KLF2: variants seen among roughly 807,000 people sequenced by gnomAD.
KLF2 encodes Krueppel-like factor 2.
In KLF2, 9 loss-of-function variants were observed where a neutral mutation model predicts 22.2. The ratio of observed to expected loss-of-function variants is 0.40; its 90% CI spans 0.24 to 0.71. The LOEUF is 0.71. Ranked by LOEUF, KLF2 falls within the 30% of genes least tolerant of loss-of-function variation. The pLI is 0.35. For missense variants in KLF2, 481 were observed against 542.1 expected, an observed-to-expected ratio of 0.89 and a Z score of 1.12; for synonymous variants, 299 against 264.2, an observed-to-expected ratio of 1.13 and a Z score of -1.28.
Position 16,325,414 on chromosome 19 carries a change from G to C in KLF2, c.274G>C (p.Val92Leu). 1 of 1,427,472 alleles carries C rather than the reference G, an allele frequency of 7.0e-7. No homozygotes were observed. The highest frequency in any genetic ancestry group is 9.1e-7 in the Non-Finnish European group (1 of 1,101,618). 88.4% of individuals were successfully genotyped at this position (1,427,472 alleles called of 1,614,324 possible). The change falls in exon 2 of 3, where the codon GTG (valine) becomes CTG (leucine). Residue 92 changes from valine to leucine, a missense_variant. This residue lies in a region of KLF2 where 421 missense variants were observed against 435.1 expected (regional missense o/e 0.97). Transcript: ENST00000248071. ...PPYSAPAGGL[V>L]SELLRPELDA... Reference sequence around the variant, plus strand: ...CTACAGCGCCCCCGCGGGTGGCCTGGTGTCTGAGCTGCTGCGACCCGAGCT... The same window carrying C: ...CTACAGCGCCCCCGCGGGTGGCCTGCTGTCTGAGCTGCTGCGACCCGAGCT...
intron 2 of KLF2, among the ~76,000 whole-genome samples, chr19:16,326,348 T>A (rs1317350829): frequency 6.6e-6 from 1 of 151,066 alleles, no homozygotes; most frequent in Non-Finnish European, 1.5e-5. Context: ...AGGGAGACAG[T>A]CTCAGAAAGT....
In KLF2 at chr19:16,325,905, C is replaced by T. The variant is rs1358504749; in HGVS notation, c.765C>T (p.Ala255=). ...CGTCCCCGCTGGAGCTGCTGGAGGC[C>T]AAGCCAAAGCGCGGCCGCCGCTCTT... ...PPASPLELLE[A]KPKRGRRSWP... The change falls in exon 2 of 3, where the codon GCC becomes GCT. Residue 255 remains alanine, a synonymous_variant. Coordinates refer to ENST00000248071, the MANE Select transcript of KLF2 (RefSeq NM_016270.4). 4.6e-6 allele frequency: 7 copies of T among 1,513,104 alleles called. No homozygotes were observed. The East Asian group carries it at 1.3e-4, about 29-fold the overall frequency. 93.7% of individuals were successfully genotyped at this position (1,513,104 alleles called of 1,614,324 possible).
Position 16,325,935 on chromosome 19 carries a change from C to T in KLF2, c.795C>T (p.Pro265=), listed in dbSNP as rs1400646386. The T allele has an allele frequency of 6.5e-7, 1 of 1,530,350 alleles. No individual in the cohort carries two copies. The highest frequency in any genetic ancestry group is 1.2e-5 in the South Asian group (1 of 83,392). The allele number at this position is 1,530,350 out of a possible 1,614,324, so 94.8% of individuals were successfully genotyped here. ...AKPKRGRRSW[P]RKRTATHTCS... is the part of the protein sequence containing the mutation. ...CAAAGCGCGGCCGCCGCTCTTGGCC[C>T]CGCAAACGCACCGCCACTCACACCT... Residue 265 remains proline, a synonymous_variant, in exon 2 of 3, where the codon CCC becomes CCT. Coordinates refer to ENST00000248071, the MANE Select transcript of KLF2 (RefSeq NM_016270.4).
Position 16,327,085 on chromosome 19 carries a change from C to G in KLF2, c.*54C>G, listed in dbSNP as rs938935734. On this transcript the variant is annotated 3_prime_UTR_variant, in exon 3 of 3. Coordinates refer to ENST00000248071, the MANE Select transcript of KLF2 (RefSeq NM_016270.4). Reference sequence around the variant, plus strand: ...GCCGTGGCGGGTCCCACGCGCCGGGCGCGGCCCCCTCCCAAACTGTGACTG... The same window carrying G: ...GCCGTGGCGGGTCCCACGCGCCGGGGGCGGCCCCCTCCCAAACTGTGACTG... 6.9e-7 allele frequency: 1 copy of G among 1,456,146 alleles called. No homozygotes were observed. Among genetic ancestry groups the G allele is most frequent in the Admixed American group, 2.5e-5 (1 of 40,144 alleles). The allele number at this position is 1,456,146 out of a possible 1,614,324, so 90.2% of individuals were successfully genotyped here.
chr19:16,326,676 G>T (rs1429686726), intron 2 of KLF2, among the ~76,000 whole-genome samples, 180 bp from the exon 3 acceptor site: 1 of 152,056 alleles, frequency 6.6e-6, no homozygotes, highest in Non-Finnish European at 1.5e-5. Flanking sequence ...ACCCCCTGGG[G>T]GTGAGGATCC....
Position 16,326,866 on chromosome 19 carries a change from C to T in KLF2, c.903C>T (p.Pro301=), listed in dbSNP as rs368419745. ...AHLRTHTGEK[P]YHCNWDGCGW... ...GCCCCCTCCCTGCAGGTGAGAAGCCCTACCACTGCAACTGGGACGGCTGCG... is the reference window on the plus strand; with the variant it reads ...GCCCCCTCCCTGCAGGTGAGAAGCCTTACCACTGCAACTGGGACGGCTGCG... The change falls in exon 3 of 3, where the codon CCC becomes CCT. Residue 301 remains proline, a synonymous_variant. Transcript: ENST00000248071. 43 of 1,611,294 alleles carry T rather than the reference C, an allele frequency of 2.7e-5. No homozygotes were observed. The highest frequency in any genetic ancestry group is 1.6e-4 in the Middle Eastern group (1 of 6,080).
In KLF2 at chr19:16,325,684, G is replaced by C; in HGVS notation, c.544G>C (p.Ala182Pro). 1 of 1,106,620 alleles carries C rather than the reference G, an allele frequency of 9.0e-7. No homozygotes were observed. Among genetic ancestry groups the C allele is most frequent in the Non-Finnish European group, 1.1e-6 (1 of 912,836 alleles). 68.6% of individuals were successfully genotyped at this position (1,106,620 alleles called of 1,614,324 possible). The change falls in exon 2 of 3, where the codon GCG (alanine) becomes CCG (proline). Residue 182 changes from alanine to proline, a missense_variant. By Grantham distance (27) the Ala-to-Pro change is conservative. Coordinates refer to ENST00000248071, the MANE Select transcript of KLF2 (RefSeq NM_016270.4). Reference sequence around the variant, plus strand: ...ACCGCCGCTCAGCCCCGACGGCCCCGCGCGCCTGCCCGCGCCCGGTCCGCG... The same window carrying C: ...ACCGCCGCTCAGCCCCGACGGCCCCCCGCGCCTGCCCGCGCCCGGTCCGCG... ...DTPPLSPDGP[A>P]RLPAPGPRAS...
chr19:16,326,631 T>C (rs1338727467), intron 2 of KLF2, among the ~76,000 whole-genome samples: 1 of 151,736 alleles, frequency 6.6e-6, no homozygotes, highest in Non-Finnish European at 1.5e-5. Context: ...GGAGCGTGGC[T>C]GACAACAGTG....
In KLF2 at chr19:16,327,057, G is replaced by A; in HGVS notation, c.*26G>A. 6.5e-7 allele frequency: 1 copy of A among 1,528,514 alleles called. No individual in the cohort carries two copies. The highest frequency in any genetic ancestry group is 8.8e-7 in the Non-Finnish European group (1 of 1,134,926). The allele number at this position is 1,528,514 out of a possible 1,614,324, so 94.7% of individuals were successfully genotyped here. A position where few individuals can be genotyped will look rare whatever the true frequency, so the allele number is the denominator to read the frequency against. ...CCGGGACGCCCCCGCCCACCTGCGCGCGGCCGTGGCGGGTCCCACGCGCCG... is the reference window on the plus strand; with the variant it reads ...CCGGGACGCCCCCGCCCACCTGCGCACGGCCGTGGCGGGTCCCACGCGCCG... On this transcript the variant is annotated 3_prime_UTR_variant, in exon 3 of 3. Transcript: ENST00000248071.
In KLF2 at chr19:16,326,041, C is replaced by A. The variant is rs968459172; in HGVS notation, c.892+9C>A. ...TCTGCGCACGCACACAGGTGGGCGG[C>A]ACGCACGAGCCAGGAGCGCAGGCGG... On this transcript the variant is annotated intron_variant, in intron 2 of 2. Coordinates refer to ENST00000248071, the MANE Select transcript of KLF2 (RefSeq NM_016270.4). The A allele has an allele frequency of 2.6e-6, 4 of 1,540,854 alleles. No individual in the cohort carries two copies. In the African/African-American group the frequency reaches 4.2e-5, roughly 16 times the overall value.
rs201048014 is a variant in KLF2, at chr19:16,326,075, G to C, written c.892+43G>C. The C allele has an allele frequency of 2.8e-3, 4,261 of 1,513,708 alleles. 7 individuals carry two copies. The highest frequency in any genetic ancestry group is 3.4e-3 in the Non-Finnish European group (3,893 of 1,128,696). The allele number at this position is 1,513,708 out of a possible 1,614,324, so 93.8% of individuals were successfully genotyped here. ...GCCAGGAGCGCAGGCGGGGGGACGC[G>C]GGAGGAGAGGTCGGATTCCCAGCGC... On this transcript the variant is annotated intron_variant, in intron 2 of 2. Transcript: ENST00000248071.
chr19:16,325,227 C>T lies in KLF2; in HGVS notation c.87C>T (p.Arg29=). 1 of 1,530,320 alleles carries T rather than the reference C, an allele frequency of 6.5e-7. No homozygotes were observed. Among genetic ancestry groups the T allele is most frequent in the Non-Finnish European group, 8.7e-7 (1 of 1,143,598 alleles). The allele number at this position is 1,530,320 out of a possible 1,614,324, so 94.8% of individuals were successfully genotyped here. ...CCTGTCGCCCGCAGCGCTGGCCGCGCGCCGAACCCGAGTCCGGCGGCACCG... is the reference window on the plus strand; with the variant it reads ...CCTGTCGCCCGCAGCGCTGGCCGCGTGCCGAACCCGAGTCCGGCGGCACCG... ...RERGLQERWP[R]AEPESGGTDD... is the part of the protein sequence containing the mutation. The change falls in exon 2 of 3, where the codon CGC becomes CGT. Residue 29 remains arginine, a synonymous_variant. Coordinates refer to ENST00000248071, the MANE Select transcript of KLF2 (RefSeq NM_016270.4).
intron 1 of KLF2, 80 bp from the exon 2 acceptor site, chr19:16,325,136 G>C: frequency 7.5e-7 from 1 of 1,328,882 alleles, no homozygotes; most frequent in Non-Finnish European, 1.0e-6. Context: ...CACGGGGATC[G>C]CGGACTTAGG....
In KLF2 at chr19:16,325,623, A is replaced by T; in HGVS notation, c.483A>T (p.Arg161=). The change falls in exon 2 of 3, where the codon CGA becomes CGT. Residue 161 remains arginine, a synonymous_variant. Coordinates refer to ENST00000248071, the MANE Select transcript of KLF2 (RefSeq NM_016270.4). ...CGGGCCCGGCGGCTTCGTGCATGCGAGGTCCCGGGGGCCGCCCCCCGCCGC... is the reference window on the plus strand; with the variant it reads ...CGGGCCCGGCGGCTTCGTGCATGCGTGGTCCCGGGGGCCGCCCCCCGCCGC... ...GAPGPAASCM[R]GPGGRPPPPP... is the part of the protein sequence containing the mutation. 2 of 1,100,882 alleles carry T rather than the reference A, an allele frequency of 1.8e-6. No homozygotes were observed. Among genetic ancestry groups the T allele is most frequent in the African/African-American group, 3.4e-5 (2 of 58,782 alleles). The allele number at this position is 1,100,882 out of a possible 1,614,324, so 68.2% of individuals were successfully genotyped here. A position where few individuals can be genotyped will look rare whatever the true frequency, so the allele number is the denominator to read the frequency against.
chr19:16,326,057 G>A lies in KLF2; in HGVS notation c.892+25G>A, dbSNP rs530477811. 9.8e-5 allele frequency: 150 copies of A among 1,528,420 alleles called. 3 individuals are homozygous for A. In the South Asian group the frequency reaches 1.7e-3, roughly 17 times the overall value. 94.7% of individuals were successfully genotyped at this position (1,528,420 alleles called of 1,614,324 possible). On this transcript the variant is annotated intron_variant, in intron 2 of 2. Transcript: ENST00000248071. ...GGTGGGCGGCACGCACGAGCCAGGA[G>A]CGCAGGCGGGGGGACGCGGGAGGAG...
In KLF2 at chr19:16,325,967, A is replaced by C. The variant is rs1266269147; in HGVS notation, c.827A>C (p.Tyr276Ser). Residue 276 changes from tyrosine to serine, a missense_variant, in exon 2 of 3, where the codon TAC (tyrosine) becomes TCC (serine). Physicochemically the swap from Tyr to Ser is moderately radical, Grantham distance 144. Around this residue, in one of 2 missense-constraint regions of KLF2, gnomAD observed 421 missense variants for 435.1 expected, o/e 0.97. Coordinates refer to ENST00000248071, the MANE Select transcript of KLF2 (RefSeq NM_016270.4). ...CGCACCGCCACTCACACCTGCAGCT[A>C]CGCGGGCTGCGGCAAGACCTACACC... The part of the protein sequence containing the change: ...RKRTATHTCS[Y>S]AGCGKTYTKS... 6.5e-7 allele frequency: 1 copy of C among 1,549,084 alleles called. No individual in the cohort carries two copies.
In KLF2 at chr19:16,326,036, G is replaced by C. The variant is rs1238105243; in HGVS notation, c.892+4G>C. 1 of 1,544,964 alleles carries C rather than the reference G, an allele frequency of 6.5e-7. No individual in the cohort carries two copies. The highest frequency in any genetic ancestry group is 2.5e-5 in the East Asian group (1 of 40,024). ...GCGCATCTGCGCACGCACACAGGTG[G>C]GCGGCACGCACGAGCCAGGAGCGCA... On this transcript the variant is annotated splice_donor_region_variant and intron_variant, in intron 2 of 2. Coordinates refer to ENST00000248071, the MANE Select transcript of KLF2 (RefSeq NM_016270.4).
At position 16,327,807 on chromosome 19, in the gene KLF2, A is replaced by T. The variant is rs1403408304; in HGVS notation, c.*776A>T. Reference sequence around the variant, plus strand: ...GCCTCTTTGCCCCACAGCTGGGGAAAGTGCTGGTCCCACTGACGTGGCCTC... The same window carrying T: ...GCCTCTTTGCCCCACAGCTGGGGAATGTGCTGGTCCCACTGACGTGGCCTC... On this transcript the variant is annotated 3_prime_UTR_variant, in exon 3 of 3. Transcript: ENST00000248071. The T allele has an allele frequency of 6.6e-6, 1 of 152,106 alleles. No individual in the cohort carries two copies. The highest frequency in any genetic ancestry group is 2.4e-5 in the African/African-American group (1 of 41,416). The allele number at this position is 152,106 out of a possible 1,614,324, so 9.4% of individuals were successfully genotyped here.
chr19:16,327,254 A>G lies in KLF2; in HGVS notation c.*223A>G. The G allele has an allele frequency of 2.1e-6, 1 of 477,794 alleles. No homozygotes were observed. Among genetic ancestry groups the G allele is most frequent in the South Asian group, 3.1e-5 (1 of 31,802 alleles). The allele number at this position is 477,794 out of a possible 1,614,324, so 29.6% of individuals were successfully genotyped here. On this transcript the variant is annotated 3_prime_UTR_variant, in exon 3 of 3. Coordinates refer to ENST00000248071, the MANE Select transcript of KLF2 (RefSeq NM_016270.4). ...GAAAAGACCACGATCCTCCTTGACG[A>G]GTTTTGTTTTTCAAAATGGTGCAAT...
Sources: allele counts gnomAD v4.1 joint callset (sites outside exome capture counted in the v4.1 genomes callset), GRCh38; gene constraint gnomAD v4.1.1; regional missense constraint gnomAD v4.1.1; transcripts MANE v1.5; gene names NCBI Gene and HGNC (gene_info 2026-07-23, HGNC 2026-07-21).